Variants in HTR2C observed in about 807,000 individuals in gnomAD.
HTR2C encodes the protein 5-hydroxytryptamine (serotonin) receptor 2C, G protein-coupled.
In HTR2C, 5 loss-of-function variants were observed where a neutral mutation model predicts 21.0. That is an observed-to-expected ratio of 0.24 (90% CI 0.12 to 0.50). HTR2C has a LOEUF of 0.50. Ranked by LOEUF, HTR2C falls within the 20% of genes least tolerant of loss-of-function variation. HTR2C has a pLI of 0.98. For missense variants in HTR2C, 271 were observed against 371.2 expected (o/e 0.73, Z 2.22); for synonymous variants, 150 against 145.3 (o/e 1.03, Z -0.23).
intron 4 of HTR2C, among the ~76,000 whole-genome samples, chrX:114,835,528 A>G (rs2070773305): frequency 9.1e-6 from 1 of 109,869 alleles, no homozygotes; most frequent in Non-Finnish European, 1.9e-5. Context: ...TTCTTCAGGT[A>G]GTTCTCGAGC....
intron 4 of HTR2C, among the ~76,000 whole-genome samples, chrX:114,834,466 T>TGTTGATTTAAA (rs2070761125): frequency 9.0e-6 from 1 of 110,678 alleles, no homozygotes; most frequent in African/African-American, 3.3e-5. Context: ...TGGCCTTGTT[T>TGTTGATTTAAA]GTCTCTTCTG....
chrX:114,639,062 G>A (rs1038165720), intron 2 of HTR2C, among the ~76,000 whole-genome samples: 4 of 111,086 alleles, frequency 3.6e-5, no homozygotes, highest in Non-Finnish European at 3.8e-5. Context: ...TAATGATCTC[G>A]AATATTTCTG....
intron 2 of HTR2C, among the ~76,000 whole-genome samples, chrX:114,624,911 T>C (rs1442612257): frequency 2.7e-5 from 3 of 111,870 alleles, no homozygotes; most frequent in Non-Finnish European, 5.6e-5. Flanking sequence ...TTAGCATGCA[T>C]TGTAATGGAG....
chrX:114,838,677 G>A (rs1335805123), intron 4 of HTR2C, among the ~76,000 whole-genome samples: 3 of 111,766 alleles, frequency 2.7e-5, no homozygotes, highest in Non-Finnish European at 5.6e-5. Context: ...CTGAAAATAA[G>A]ATTTCATTTC....
intron 5 of HTR2C, among the ~76,000 whole-genome samples, chrX:114,865,647 T>C (rs368694659): frequency 1.8e-5 from 2 of 111,449 alleles, no homozygotes; most frequent in African/African-American, 6.5e-5. Flanking sequence ...TGAGCATTTT[T>C]TTATGAGCAT....
intron 2 of HTR2C, among the ~76,000 whole-genome samples, chrX:114,633,786 TACACATATATGTGTGAATGTAC>T (rs1485126465): frequency 4.5e-5 from 5 of 109,926 alleles, no homozygotes; most frequent in Non-Finnish European, 7.6e-5. Context: ...TATATATATA[TACACATATATGTGTGAATGTAC>T]ACATATATAT....
chrX:114,620,122 A>G (rs1030684451), intron 2 of HTR2C, among the ~76,000 whole-genome samples: 7 of 111,963 alleles, frequency 6.3e-5, no homozygotes, highest in Non-Finnish European at 1.3e-4. Context: ...GAGAAGTCTC[A>G]GTAACTAAGA....
chrX:114,737,214 T>TTTTC (rs1331639619), intron 4 of HTR2C, among the ~76,000 whole-genome samples: 40 of 87,726 alleles, frequency 4.6e-4, no homozygotes, highest in African/African-American at 8.0e-4. Context: ...CCTGGCTTTT[T>TTTTC]TTTTCTTTTC....
chrX:114,694,794 A>G (rs782780646), intron 2 of HTR2C, among the ~76,000 whole-genome samples: 10 of 111,405 alleles, frequency 9.0e-5, no homozygotes, highest in Admixed American at 2.9e-4. Flanking sequence ...ATGCCTGGGC[A>G]CAACAATCTA....
rs782532022 is a variant in HTR2C at position 114,800,408 on chromosome X, C to T, written c.350-47595C>T. ...AAGACTGAAGGCATTTATCTTTTAC[C>T]CACATCCATCTTTTATACATTTTCT... is the stretch of plus-strand genomic sequence containing the variant. On this transcript the variant is annotated intron_variant, in intron 4 of 5. Transcript: ENST00000276198. Among the ~76,000 whole-genome samples the T allele has an allele frequency of 2.0e-4, 22 of 110,407 alleles. No individual in the cohort carries two copies. In the South Asian group the frequency reaches 6.5e-3, roughly 32 times the overall value.
intron 5 of HTR2C, 25 bp from the exon 6 acceptor site, chrX:114,906,564 A>T (rs1556486708): frequency 9.2e-7 from 1 of 1,081,151 alleles, no homozygotes; most frequent in South Asian, 2.1e-5. Context: ...TGCTATAACA[A>T]CCCCCTTCCT....
At chrX:114,808,508 G>A (rs782019286) in intron 4 of HTR2C, among the ~76,000 whole-genome samples, 18 of 111,474 alleles carry the variant, frequency 1.6e-4, no homozygotes, top group Admixed American at 2.9e-4. Context: ...GGATCATATG[G>A]TAGCTCAATT....
intron 5 of HTR2C, among the ~76,000 whole-genome samples, chrX:114,895,507 G>C (rs1014771735): frequency 3.6e-5 from 4 of 110,461 alleles, no homozygotes; most frequent in Non-Finnish European, 7.6e-5. Context: ...CCAACTTTAG[G>C]TTTGTGAGGT....
intron 2 of HTR2C, among the ~76,000 whole-genome samples, chrX:114,623,913 T>TG (rs1190135702): frequency 2.1e-5 from 2 of 94,915 alleles, no homozygotes; most frequent in East Asian, 3.2e-4. Flanking sequence ...GTTGTTTTTT[T>TG]TTTTTTTTTT....
chrX:114,784,063 C>A (rs2070147067), intron 4 of HTR2C, among the ~76,000 whole-genome samples: 1 of 96,883 alleles, frequency 1.0e-5, no homozygotes, highest in Non-Finnish European at 2.1e-5. Context: ...AGAATGGAGA[C>A]AATGATAAAG....
intron 4 of HTR2C, chrX:114,775,175 G>A: frequency 1.9e-6 from 1 of 522,395 alleles, no homozygotes; most frequent in Non-Finnish European, 3.5e-6. Flanking sequence ...TTGTCCCTCT[G>A]CCTCTTATCT....
At chrX:114,828,666 C>T (rs1380726927) in intron 4 of HTR2C, among the ~76,000 whole-genome samples, 1 of 111,622 alleles carries the variant, frequency 9.0e-6, no homozygotes, top group Admixed American at 9.6e-5. Context: ...CATCTCTATC[C>T]AGTACCAAGA....
intron 4 of HTR2C, among the ~76,000 whole-genome samples, chrX:114,795,288 C>CA (rs1276544069): frequency 9.0e-6 from 1 of 111,058 alleles, no homozygotes; most frequent in East Asian, 2.8e-4. Context: ...GAGCAGGTTG[C>CA]AAAAATTTTC....
intron 4 of HTR2C, among the ~76,000 whole-genome samples, chrX:114,765,091 A>G (rs781976037): frequency 9.8e-6 from 1 of 102,102 alleles, no homozygotes; most frequent in Non-Finnish European, 2.0e-5. Context: ...TACCCAGGCT[A>G]GTTGTGAACT....
Sources: gnomAD v4.1 joint callset for allele counts (sites outside exome capture counted in the v4.1 genomes callset) on GRCh38, gnomAD v4.1.1 for gene constraint, MANE v1.5 for transcripts, NCBI Gene and HGNC (gene_info 2026-07-23, HGNC 2026-07-21) for gene names.